Variants in GDPD1 observed in about 807,000 individuals in gnomAD.
The protein encoded by GDPD1 is lysophospholipase D GDPD1.
In GDPD1, 28 loss-of-function variants were observed where a neutral mutation model predicts 45.1. That is an observed-to-expected ratio of 0.62 (90% CI 0.46 to 0.85). The LOEUF (loss-of-function observed/expected upper bound fraction) is 0.85, where lower values mean the gene tolerates loss of function less well. Ranked by LOEUF, GDPD1 falls within the 40% of genes least tolerant of loss-of-function variation. GDPD1 has a pLI of 0.00. For missense variants in GDPD1, 256 were observed against 364.8 expected, an observed-to-expected ratio of 0.70 and a Z score of 2.43; for synonymous variants, 139 against 131.4, an observed-to-expected ratio of 1.06 and a Z score of -0.40.
rs376409274 is a variant in GDPD1, at chr17:59,267,172, G to T, written c.708G>T (p.Leu236=). 4.3e-6 allele frequency: 7 copies of T among 1,611,072 alleles called. No homozygotes were observed. Among genetic ancestry groups the T allele is most frequent in the African/African-American group, 1.3e-5 (1 of 74,750 alleles). ...AAATCCCAATGCCTTCTATTATACTGAAGTAAGTGGTTACCCTTTTATTTT... is the reference window on the plus strand; with the variant it reads ...AAATCCCAATGCCTTCTATTATACTTAAGTAAGTGGTTACCCTTTTATTTT... ...FFEIPMPSII[L]KLKEPHTMSR... The change falls in exon 7 of 10, where the codon CTG becomes CTT. Residue 236 remains leucine (L), a splice_region_variant and synonymous_variant. Coordinates refer to ENST00000284116, the MANE Select transcript of GDPD1 (RefSeq NM_182569.4).
At position 59,273,748 on chromosome 17, in the gene GDPD1, A is replaced by AT. The variant is rs768107908; in HGVS notation, c.926dup (p.Leu309PhefsTer3). The stretch of plus-strand genomic sequence containing the variant: ...ACAGACTATCCAACAAAGCTTAGGG[A>AT]TTTTTTACATAACTTTTCAGCATAG... On this transcript the variant is annotated frameshift_variant, in exon 10 of 10. Transcript: ENST00000284116. LOFTEE classifies it high-confidence loss of function. 3.2e-6 allele frequency: 5 copies of AT among 1,577,086 alleles called. No homozygotes were observed. Among genetic ancestry groups the AT allele is most frequent in the Admixed American group, 1.8e-5 (1 of 55,442 alleles).
At position 59,275,535 on chromosome 17, in the gene GDPD1, G is replaced by A; in HGVS notation, c.*1762G>A. 1 of 195,210 alleles carries A rather than the reference G, an allele frequency of 5.1e-6. No individual in the cohort carries two copies. Among genetic ancestry groups the A allele is most frequent in the Non-Finnish European group, 1.1e-5 (1 of 93,728 alleles). 12.1% of individuals were successfully genotyped at this position (195,210 alleles called of 1,614,324 possible). A position where few individuals can be genotyped will look rare whatever the true frequency, so the allele number is the denominator to read the frequency against. The stretch of plus-strand genomic sequence containing the variant: ...AAAAAAATGTAAGATTTCCATTTTT[G>A]GCACTGACTAACTGAGCCTACATCT... On this transcript the variant is annotated 3_prime_UTR_variant, in exon 10 of 10. Transcript: ENST00000284116.
In GDPD1 at chr17:59,257,113, C is replaced by T. The variant is rs766256451; in HGVS notation, c.368-9C>T. On this transcript the variant is annotated splice_polypyrimidine_tract_variant and intron_variant, in intron 4 of 9. Coordinates refer to ENST00000284116, the MANE Select transcript of GDPD1 (RefSeq NM_182569.4). ...TTAAAAAATACATTTAAAAATCTTGCTTTCTCAGCATGCCAGTGTGAAGGA... is the reference window on the plus strand; with the variant it reads ...TTAAAAAATACATTTAAAAATCTTGTTTTCTCAGCATGCCAGTGTGAAGGA... 7.0e-6 allele frequency: 10 copies of T among 1,427,138 alleles called. No homozygotes were observed. The allele number at this position is 1,427,138 out of a possible 1,614,324, so 88.4% of individuals were successfully genotyped here.
Position 59,237,312 on chromosome 17 carries a change from G to A in GDPD1, c.185+2778G>A, listed in dbSNP as rs547623653. On this transcript the variant is annotated intron_variant, in intron 2 of 9. Coordinates refer to ENST00000284116, the MANE Select transcript of GDPD1 (RefSeq NM_182569.4). ...GCTACTCTGGAGGCTGAGGTTGGAG[G>A]ATGGCTTGAGCCTGGAAGGTAAAGG... 4.3e-3 allele frequency among the ~76,000 whole-genome samples: 655 copies of A among 152,204 alleles called. 4 individuals carry two copies. The highest frequency in any genetic ancestry group is 7.3e-3 in the South Asian group (35 of 4,824).
intron 2 of GDPD1, among the ~76,000 whole-genome samples, chr17:59,240,173 T>A (rs12944342): frequency 3.3e-5 from 5 of 151,898 alleles, no homozygotes; most frequent in African/African-American, 1.2e-4. Context: ...CGCTTGTAGT[T>A]CCAGCTACTC....
intron 1 of GDPD1, among the ~76,000 whole-genome samples, chr17:59,221,999 C>T (rs1230735464): frequency 2.0e-5 from 3 of 152,032 alleles, no homozygotes; most frequent in Non-Finnish European, 4.4e-5. Context: ...TCATGAAAAG[C>T]CTCAGAGGTT....
chr17:59,251,224 GA>G (rs1238021185), intron 4 of GDPD1, among the ~76,000 whole-genome samples: 8 of 152,168 alleles, frequency 5.3e-5, no homozygotes, highest in Non-Finnish European at 1.2e-4. Context: ...GTTGTATTAA[GA>G]ACAATGCTGT....
intron 2 of GDPD1, among the ~76,000 whole-genome samples, chr17:59,236,096 A>C (rs2047130038): frequency 6.6e-6 from 1 of 152,138 alleles, no homozygotes; most frequent in African/African-American, 2.4e-5. Flanking sequence ...CTTAAGGTAC[A>C]TTATTTTATG....
chr17:59,250,266 C>A (rs1272709887), intron 4 of GDPD1, among the ~76,000 whole-genome samples: 2 of 152,016 alleles, frequency 1.3e-5, no homozygotes, highest in Non-Finnish European at 1.5e-5. Context: ...AAGAAAATTT[C>A]AGAAATGAAG....
At chr17:59,266,426 T>C (rs1454134158) in intron 6 of GDPD1, among the ~76,000 whole-genome samples, 1 of 151,902 alleles carries the variant, frequency 6.6e-6, no homozygotes, top group Non-Finnish European at 1.5e-5. Context: ...TTGTGTTATG[T>C]GTATTTTAGC....
chr17:59,238,416 ATTTTTTTT>A lies in GDPD1; in HGVS notation c.185+3888_185+3895del, dbSNP rs112285979. The stretch of plus-strand genomic sequence containing the variant: ...GAATATGGCTCTTCTATTATTTTTT[ATTTTTTTT>A]TTTTTCCGAGACGGAGTCTCACTCT... On this transcript the variant is annotated intron_variant, in intron 2 of 9. Coordinates refer to ENST00000284116, the MANE Select transcript of GDPD1 (RefSeq NM_182569.4). Among the ~76,000 whole-genome samples the A allele has an allele frequency of 4.2e-5, 6 of 143,294 alleles. No homozygotes were observed. In the East Asian group the frequency reaches 8.2e-4, roughly 20 times the overall value. 94.0% of individuals were successfully genotyped at this position (143,294 alleles called of 152,430 possible). A position where few individuals can be genotyped will look rare whatever the true frequency, so the allele number is the denominator to read the frequency against.
At chr17:59,245,772 G>A (rs2047206002) in intron 3 of GDPD1, among the ~76,000 whole-genome samples, 1 of 151,958 alleles carries the variant, frequency 6.6e-6, no homozygotes, top group Non-Finnish European at 1.5e-5. Context: ...ATTGTTTGAG[G>A]CCAGGAGTTT....
At chr17:59,222,019 G>C (rs1480104884) in intron 1 of GDPD1, among the ~76,000 whole-genome samples, 1 of 152,066 alleles carries the variant, frequency 6.6e-6, no homozygotes, top group African/African-American at 2.4e-5. Flanking sequence ...TTTAAAGGGT[G>C]GTCAGCCAAA....
chr17:59,267,103 C>T lies in GDPD1; in HGVS notation c.639C>T (p.Phe213=), dbSNP rs756842648. Residue 213 remains phenylalanine (F), a synonymous_variant, in exon 7 of 10, where the codon TTC becomes TTT. Transcript: ENST00000284116. The stretch of plus-strand genomic sequence containing the variant: ...TCCTGCTCATTCTTGGCCTTTTCTT[C>T]ACTGGCCTCTTGCCCTTTGTGCCCA... ...QRVLLILGLF[F]TGLLPFVPIR... is the part of the protein sequence containing the mutation. The T allele has an allele frequency of 1.2e-6, 2 of 1,613,488 alleles. No individual in the cohort carries two copies. Among genetic ancestry groups the T allele is most frequent in the South Asian group, 2.2e-5 (2 of 91,074 alleles).
At chr17:59,248,531 A>G (rs1330764415) in intron 3 of GDPD1, among the ~76,000 whole-genome samples, 1 of 152,064 alleles carries the variant, frequency 6.6e-6, no homozygotes, top group East Asian at 1.9e-4. Flanking sequence ...GAAAAGGTCT[A>G]TATTAAATAG....
In GDPD1 at chr17:59,273,826, A is replaced by G; in HGVS notation, c.*53A>G. Reference sequence around the variant, plus strand: ...GAAAAAATGAAGACCTAAGAAAAAAATATTTCATGATCATTTCCCTAAGCC... The same window carrying G: ...GAAAAAATGAAGACCTAAGAAAAAAGTATTTCATGATCATTTCCCTAAGCC... On this transcript the variant is annotated 3_prime_UTR_variant, in exon 10 of 10. Coordinates refer to ENST00000284116, the MANE Select transcript of GDPD1 (RefSeq NM_182569.4). 1 of 1,491,468 alleles carries G rather than the reference A, an allele frequency of 6.7e-7. No homozygotes were observed. Among genetic ancestry groups the G allele is most frequent in the Non-Finnish European group, 8.9e-7 (1 of 1,121,690 alleles). 92.4% of individuals were successfully genotyped at this position (1,491,468 alleles called of 1,614,324 possible).
intron 1 of GDPD1, among the ~76,000 whole-genome samples, chr17:59,231,908 A>C (rs748546215): frequency 2.0e-5 from 3 of 152,112 alleles, no homozygotes; most frequent in Non-Finnish European, 4.4e-5. Context: ...GATTATAGGC[A>C]TGAGCCACCA....
intron 4 of GDPD1, among the ~76,000 whole-genome samples, chr17:59,252,622 C>T (rs999230638): frequency 1.3e-5 from 2 of 151,882 alleles, no homozygotes; most frequent in East Asian, 1.9e-4. Context: ...CACTTGAACC[C>T]GGGAGGCAGA....
In GDPD1 at chr17:59,239,208, G is replaced by A. The variant is rs570466710; in HGVS notation, c.185+4674G>A. Among the ~76,000 whole-genome samples, 9 of 152,280 alleles carry A rather than the reference G, an allele frequency of 5.9e-5. No homozygotes were observed. The South Asian group carries it at 1.7e-3, about 28-fold the overall frequency. ...TAATTAATATGACTATCTATGAAAT[G>A]GGAATAGTGATACAACCTCAGTGTT... On this transcript the variant is annotated intron_variant, in intron 2 of 9. Coordinates refer to ENST00000284116, the MANE Select transcript of GDPD1 (RefSeq NM_182569.4).
Sources: allele counts gnomAD v4.1 joint callset (sites outside exome capture counted in the v4.1 genomes callset), GRCh38; gene constraint gnomAD v4.1.1; transcripts MANE v1.5; gene names NCBI Gene and HGNC (gene_info 2026-07-23, HGNC 2026-07-21).